Variants in SNAP25 observed in about 807,000 individuals in gnomAD.
SNAP25 encodes synaptosomal-associated protein 25.
In SNAP25, 3 loss-of-function variants were observed where a neutral mutation model predicts 28.7. The ratio of observed to expected loss-of-function variants is 0.10; its 90% confidence interval spans 0.05 to 0.27. The LOEUF is 0.27. SNAP25 is among the 10% of genes least tolerant of loss of function. The probability of loss-of-function intolerance (pLI) is 1.00; values close to 1 mark genes in which losing one functional copy is unlikely to be tolerated. For missense variants in SNAP25, 117 were observed against 278.7 expected (o/e 0.42, Z 4.13); for synonymous variants, 61 against 88.1 (o/e 0.69, Z 1.72).
At position 10,275,515 on chromosome 20, in the gene SNAP25, C is replaced by G; in HGVS notation, c.24C>G (p.Arg8=). Residue 8 remains arginine, a synonymous_variant, in exon 2 of 8, where the codon CGC becomes CGG. Transcript: ENST00000254976. MAEDADM[R]NELEEMQRRA... ...CCATGGCCGAAGACGCAGACATGCG[C>G]AATGAGCTGGAGGAGATGCAGCGAA... is the stretch of plus-strand genomic sequence containing the variant. 1 of 1,606,800 alleles carries G rather than the reference C, an allele frequency of 6.2e-7. No individual in the cohort carries two copies. Among genetic ancestry groups the G allele is most frequent in the South Asian group, 1.1e-5 (1 of 89,146 alleles).
intron 1 of SNAP25, among the ~76,000 whole-genome samples, chr20:10,236,486 T>C (rs1174103459): frequency 6.6e-6 from 1 of 152,188 alleles, no homozygotes; most frequent in Non-Finnish European, 1.5e-5. Flanking sequence ...GTAAAGACGA[T>C]TGCATTTTAA....
chr20:10,224,571 T>C (rs149654834), intron 1 of SNAP25, among the ~76,000 whole-genome samples: 1 of 152,102 alleles, frequency 6.6e-6, no homozygotes, highest in East Asian at 1.9e-4. Context: ...ACCGATGGCC[T>C]CAGCTGGCAT....
chr20:10,244,485 C>T (rs1422404416), intron 1 of SNAP25, among the ~76,000 whole-genome samples: 1 of 152,160 alleles, frequency 6.6e-6, no homozygotes, highest in Non-Finnish European at 1.5e-5. Flanking sequence ...CATTAGGAAA[C>T]TGAGGCACAG....
At chr20:10,241,544 G>T (rs2063033474) in intron 1 of SNAP25, among the ~76,000 whole-genome samples, 1 of 152,128 alleles carries the variant, frequency 6.6e-6, no homozygotes, top group Admixed American at 6.5e-5. Flanking sequence ...AAAAATATCA[G>T]ATGGGGATGG....
intron 1 of SNAP25, among the ~76,000 whole-genome samples, chr20:10,223,146 A>G (rs900513724): frequency 6.6e-6 from 1 of 152,170 alleles, no homozygotes; most frequent in African/African-American, 2.4e-5. Flanking sequence ...AAAAGATGGA[A>G]TGGTAGAATT....
intron 4 of SNAP25, among the ~76,000 whole-genome samples, chr20:10,285,275 C>G (rs2063854330): frequency 6.6e-6 from 1 of 152,064 alleles, no homozygotes; most frequent in Non-Finnish European, 1.5e-5. Context: ...GGGAAATTAT[C>G]TGGAAAATAC....
At chr20:10,236,655 A>G (rs1309414433) in intron 1 of SNAP25, among the ~76,000 whole-genome samples, 5 of 152,138 alleles carry the variant, frequency 3.3e-5, no homozygotes, top group Non-Finnish European at 7.3e-5. Context: ...GGCAATGGAA[A>G]AAAACTCTGA....
rs569334409 is a variant in SNAP25 at position 10,295,404 on chromosome 20, T to G, written c.282-1521T>G. ...GGGAGGAGATGGGGAGTTGGAAAAA[T>G]AAAAATTAAAAAAGCCAGACTCTAA... On this transcript the variant is annotated intron_variant, in intron 5 of 7. Transcript: ENST00000254976. 2.0e-5 allele frequency among the ~76,000 whole-genome samples: 3 copies of G among 152,188 alleles called. No individual in the cohort carries two copies. The East Asian group carries it at 5.8e-4, about 29-fold the overall frequency.
chr20:10,283,956 G>A (rs935312050), intron 3 of SNAP25, among the ~76,000 whole-genome samples: 4 of 152,120 alleles, frequency 2.6e-5, no homozygotes, highest in Non-Finnish European at 5.9e-5. Flanking sequence ...GTGGTATTTG[G>A]TTTATTTGAA....
chr20:10,283,059 T>C lies in SNAP25; in HGVS notation c.115-1665T>C, dbSNP rs146923958. On this transcript the variant is annotated intron_variant, in intron 3 of 7. Coordinates refer to ENST00000254976, the MANE Select transcript of SNAP25 (RefSeq NM_130811.4). ...AATCTACATTTTACAAGATGATTCATGTGCAGAGGATTCATATGCACATTC... is the reference window on the plus strand; with the variant it reads ...AATCTACATTTTACAAGATGATTCACGTGCAGAGGATTCATATGCACATTC... Among the ~76,000 whole-genome samples the C allele has an allele frequency of 1.9e-3, 284 of 152,332 alleles. 2 individuals carry two copies. Among genetic ancestry groups the C allele is most frequent in the Admixed American group, 3.9e-3 (59 of 15,310 alleles).
intron 4 of SNAP25, among the ~76,000 whole-genome samples, chr20:10,291,847 G>T (rs2064005603): frequency 6.6e-6 from 1 of 152,206 alleles, no homozygotes; most frequent in Admixed American, 6.5e-5. Context: ...AGCCAGCGAA[G>T]ACATCCATTG....
chr20:10,235,149 C>G (rs980947519), intron 1 of SNAP25, among the ~76,000 whole-genome samples: 77 of 152,066 alleles, frequency 5.1e-4, no homozygotes, highest in Non-Finnish European at 4.3e-4. Context: ...AGGAGAATTG[C>G]TTGAGCCCAC....
intron 1 of SNAP25, among the ~76,000 whole-genome samples, chr20:10,221,511 A>G (rs1156282412): frequency 1.3e-5 from 2 of 152,240 alleles, no homozygotes; most frequent in African/African-American, 2.4e-5. Context: ...AGATGGACAT[A>G]GGATGAGCCA....
At chr20:10,277,419 T>C in intron 2 of SNAP25, among the ~76,000 whole-genome samples, 1 of 152,258 alleles carries the variant, frequency 6.6e-6, no homozygotes, top group East Asian at 1.9e-4. Context: ...GATTACTTTG[T>C]CTTTGATATC....
chr20:10,233,222 T>G (rs1157310127), intron 1 of SNAP25, among the ~76,000 whole-genome samples: 1 of 152,162 alleles, frequency 6.6e-6, no homozygotes, highest in African/African-American at 2.4e-5. Flanking sequence ...CTATGGCCTG[T>G]GTGGGCTAAA....
rs184671623 is a variant in SNAP25, at chr20:10,220,932, A to T, written c.-64+1955A>T. On this transcript the variant is annotated intron_variant, in intron 1 of 7. Transcript: ENST00000254976. ...GTGTTTTTTCTTTTTATAGATGACC[A>T]TGTGTTTCCATGTATGTATATGTTG... is the stretch of plus-strand genomic sequence containing the variant. 2.1e-3 allele frequency among the ~76,000 whole-genome samples: 314 copies of T among 152,144 alleles called. 1 individual carries two copies. Among genetic ancestry groups the T allele is most frequent in the African/African-American group, 7.1e-3 (294 of 41,440 alleles).
intron 1 of SNAP25, among the ~76,000 whole-genome samples, chr20:10,252,894 C>T (rs1365028033): frequency 6.6e-6 from 1 of 151,496 alleles, no homozygotes; most frequent in Non-Finnish European, 1.5e-5. Flanking sequence ...ATTTAAACCT[C>T]CCTGAGGCTC....
rs1481056631 is a variant in SNAP25 at position 10,218,837 on chromosome 20, A to G, written c.-204A>G. ...ACGTCAAAACGGACGGCCATCTTTG[A>G]TGAGGGCAGAGCTCACGTTGCATTG... On this transcript the variant is annotated 5_prime_UTR_variant, in exon 1 of 8. It removes an upstream start codon present in the reference 5' UTR. Coordinates refer to ENST00000254976, the MANE Select transcript of SNAP25 (RefSeq NM_130811.4). The G allele has an allele frequency of 1.4e-5, 2 of 146,964 alleles. No individual in the cohort carries two copies. The highest frequency in any genetic ancestry group is 7.0e-5 in the Admixed American group (1 of 14,306). The allele number at this position is 146,964 out of a possible 1,614,324, so 9.1% of individuals were successfully genotyped here.
chr20:10,297,137 C>A, intron 6 of SNAP25, 87 bp downstream of exon 6: 2 of 1,411,948 alleles, frequency 1.4e-6, no homozygotes, highest in South Asian at 3.1e-5. Context: ...AAAAAACAAC[C>A]ATTTTATTGC....
Sources: allele counts gnomAD v4.1 joint callset (sites outside exome capture counted in the v4.1 genomes callset), GRCh38; gene constraint gnomAD v4.1.1; transcripts MANE v1.5; gene names NCBI Gene and HGNC (gene_info 2026-07-23, HGNC 2026-07-21).